The following NVL variants were observed in gnomAD, a reference collection of about 807,000 sequenced individuals.
NVL encodes nuclear valosin-containing protein-like.
In NVL, 84 loss-of-function variants were observed where a neutral mutation model predicts 110.2. The ratio of observed to expected loss-of-function variants is 0.76; its 90% CI spans 0.64 to 0.91. The LOEUF is 0.91. Ranked by LOEUF, NVL falls within the 40% of genes least tolerant of loss-of-function variation. The probability of loss-of-function intolerance (pLI) is 0.00; values close to 1 mark genes in which losing one functional copy is unlikely to be tolerated. For synonymous variants in NVL, 354 were observed against 361.1 expected, an observed-to-expected ratio of 0.98 and a Z score of 0.22; for missense variants, 882 against 1,035.9, an observed-to-expected ratio of 0.85 and a Z score of 2.04.
intron 22 of NVL, among the ~76,000 whole-genome samples, chr1:224,228,421 C>T (rs750350731): frequency 7.2e-5 from 11 of 152,060 alleles, no homozygotes; most frequent in Non-Finnish European, 1.2e-4. Flanking sequence ...TCCCCTGCCT[C>T]GGCCTCCTGA....
At chr1:224,244,493 G>A (rs1379916218) in intron 19 of NVL, among the ~76,000 whole-genome samples, 1 of 151,604 alleles carries the variant, frequency 6.6e-6, no homozygotes, top group Non-Finnish European at 1.5e-5. Context: ...TTTATTTGAG[G>A]TGGAGTCTCC....
intron 2 of NVL, among the ~76,000 whole-genome samples, chr1:224,320,933 T>C (rs1347499043): frequency 1.3e-5 from 2 of 152,148 alleles, no homozygotes; most frequent in Non-Finnish European, 2.9e-5. Context: ...GAGGCAAATA[T>C]TGTACTAAAT....
At chr1:224,278,742 T>G (rs1168072308) in intron 16 of NVL, among the ~76,000 whole-genome samples, 2 of 152,134 alleles carry the variant, frequency 1.3e-5, no homozygotes, top group Non-Finnish European at 2.9e-5. Flanking sequence ...TATCCAATTT[T>G]TTTTTTTTGA....
In NVL at chr1:224,238,660, G is replaced by GTAATAAA. The variant is rs1249630629; in HGVS notation, c.2290-2085_2290-2079dup. Among the ~76,000 whole-genome samples the GTAATAAA allele has an allele frequency of 5.3e-5, 8 of 152,246 alleles. No homozygotes were observed. The South Asian group carries it at 1.7e-3, about 32-fold the overall frequency. ...AACAATCTTGTGCTTTTTTCTCTAAGTAATAAAACTAAAGGGTCAGAATGT... is the reference window on the plus strand; with the variant it reads ...AACAATCTTGTGCTTTTTTCTCTAAGTAATAAATAATAAAACTAAAGGGTCAGAATGT... On this transcript the variant is annotated intron_variant, in intron 19 of 22. Coordinates refer to ENST00000281701, the MANE Select transcript of NVL (RefSeq NM_002533.4).
rs529900553 is a variant in NVL at position 224,296,772 on chromosome 1, G to A, written c.1063-154C>T. Among the ~76,000 whole-genome samples, 29 of 152,296 alleles carry A rather than the reference G, an allele frequency of 1.9e-4. 1 individual carries two copies. Among genetic ancestry groups the A allele is most frequent in the East Asian group, 3.9e-4 (2 of 5,188 alleles). On this transcript the variant is annotated intron_variant, in intron 10 of 22. Transcript: ENST00000281701. ...AAGGCAGTTCACATGTGTTACTTCT[G>A]ATTTTTACCTGACTTAAGAGAACCA...
intron 6 of NVL, 26 bp downstream of exon 6, chr1:224,307,965 G>C: frequency 1.3e-6 from 2 of 1,506,980 alleles, no homozygotes; most frequent in Non-Finnish European, 1.8e-6. Flanking sequence ...CGATGATATG[G>C]GGCTAAAATT....
intron 10 of NVL, 33 bp downstream of exon 10, chr1:224,300,529 T>C (rs760039282): frequency 6.6e-7 from 1 of 1,519,590 alleles, no homozygotes; most frequent in South Asian, 1.1e-5. Context: ...TGGTAGCGTC[T>C]GACCACCTGG....
At chr1:224,240,783 CTTTTTTTTTT>C (rs59138570) in intron 19 of NVL, among the ~76,000 whole-genome samples, 2 of 82,662 alleles carry the variant, frequency 2.4e-5, no homozygotes, top group Admixed American at 3.2e-4. Flanking sequence ...ACAAACTGTC[CTTTTTTTTTT>C]TTTTTTTTTT....
rs776197065 is a variant in NVL, at chr1:224,303,765, T to C, written c.918A>G (p.Pro306=). 2 of 1,613,726 alleles carry C rather than the reference T, an allele frequency of 1.2e-6. No homozygotes were observed. Among genetic ancestry groups the C allele is most frequent in the East Asian group, 2.2e-5 (1 of 44,846 alleles). The change falls in exon 9 of 23, where the codon CCA becomes CCG. Residue 306 remains proline (P), a synonymous_variant. Transcript: ENST00000281701. ...CAAGTAATGTCTTCCCACAGCCTGGTGGTCCATGAAGGAGAACTCCACGAG... is the reference window on the plus strand; with the variant it reads ...CAAGTAATGTCTTCCCACAGCCTGGCGGTCCATGAAGGAGAACTCCACGAG... ...VPPRGVLLHG[P]PGCGKTLLAH...
intron 18 of NVL, among the ~76,000 whole-genome samples, chr1:224,255,291 G>T (rs1409762444): frequency 1.4e-5 from 2 of 141,874 alleles, no homozygotes; most frequent in African/African-American, 5.2e-5. Flanking sequence ...CCTGGTTCTC[G>T]CCATTCTCCT....
chr1:224,233,754 G>A (rs1660161779), intron 20 of NVL, among the ~76,000 whole-genome samples: 1 of 151,846 alleles, frequency 6.6e-6, no homozygotes, highest in South Asian at 2.1e-4. Context: ...GTGAGACTCT[G>A]TCCCAATTAA....
Position 224,289,750 on chromosome 1 carries a change from G to A in NVL, c.1326-17C>T. The A allele has an allele frequency of 6.3e-7, 1 of 1,584,766 alleles. No individual in the cohort carries two copies. The highest frequency in any genetic ancestry group is 8.6e-7 in the Non-Finnish European group (1 of 1,163,990). ...TGAAGTATTCTGTAGAAAAGACAGG[G>A]GAAAAAATTTCTGATTCCTGATCTA... On this transcript the variant is annotated splice_polypyrimidine_tract_variant and intron_variant, in intron 12 of 22. Coordinates refer to ENST00000281701, the MANE Select transcript of NVL (RefSeq NM_002533.4).
chr1:224,236,594 A>G lies in NVL; in HGVS notation c.2290-12T>C, dbSNP rs1227400978. The G allele has an allele frequency of 6.2e-7, 1 of 1,608,204 alleles. No individual in the cohort carries two copies. The highest frequency in any genetic ancestry group is 8.5e-7 in the Non-Finnish European group (1 of 1,174,662). ...GGTTTGGTACCATTCTAAGTAAGAG[A>G]GAAAAATGATTTTTCATTGGAGCTT... On this transcript the variant is annotated splice_polypyrimidine_tract_variant and intron_variant, in intron 19 of 22. Transcript: ENST00000281701.
At chr1:224,263,927 A>C (rs1413922958) in intron 18 of NVL, among the ~76,000 whole-genome samples, 1 of 152,224 alleles carries the variant, frequency 6.6e-6, no homozygotes, top group Non-Finnish European at 1.5e-5. Context: ...AGGCAGGAGA[A>C]TCACTTGAAC....
intron 11 of NVL, among the ~76,000 whole-genome samples, chr1:224,294,710 TAAGAG>T (rs1233659218): frequency 6.6e-6 from 1 of 152,092 alleles, no homozygotes; most frequent in Non-Finnish European, 1.5e-5. Flanking sequence ...ACCATGGTAA[TAAGAG>T]AAAAGACATC....
At chr1:224,291,515 G>A (rs1236475226) in intron 12 of NVL, among the ~76,000 whole-genome samples, 2 of 152,184 alleles carry the variant, frequency 1.3e-5, no homozygotes, top group Non-Finnish European at 2.9e-5. Flanking sequence ...GATCATATAA[G>A]TGAGCAGAAT....
chr1:224,276,058 T>C (rs1665727001), intron 16 of NVL, among the ~76,000 whole-genome samples: 2 of 152,172 alleles, frequency 1.3e-5, no homozygotes, highest in African/African-American at 4.8e-5. Context: ...CACAAGCAAC[T>C]ATAACATTAG....
At chr1:224,295,820 G>T (rs1667822204) in intron 11 of NVL, among the ~76,000 whole-genome samples, 1 of 151,670 alleles carries the variant, frequency 6.6e-6, no homozygotes, top group Admixed American at 6.6e-5. Context: ...TCAAAAATCA[G>T]CCAGGTGTGG....
At chr1:224,287,721 C>A in intron 14 of NVL, 54 bp downstream of exon 14, 1 of 1,470,682 alleles carries the variant, frequency 6.8e-7, no homozygotes, top group Non-Finnish European at 9.5e-7. Flanking sequence ...GGAGCTTTAT[C>A]TCTGGTCTTT....
Sources: gnomAD v4.1 joint callset for allele counts (sites outside exome capture counted in the v4.1 genomes callset) on GRCh38, gnomAD v4.1.1 for gene constraint, MANE v1.5 for transcripts, NCBI Gene and HGNC (gene_info 2026-07-23, HGNC 2026-07-21) for gene names.